Variants in STAC observed in about 807,000 individuals in gnomAD.
STAC encodes SH3 and cysteine rich domain.
Under a neutral mutation model 48.8 loss-of-function variants are expected in STAC, and 43 were observed. The observed-to-expected ratio is 0.88, with a 90% CI of 0.69 to 1.14. STAC has a LOEUF of 1.14. Ranked by LOEUF, STAC falls within the 50% of genes most tolerant of loss-of-function variation. The pLI is 0.00. For missense variants in STAC, 497 were observed against 504.0 expected (o/e 0.99, Z 0.13); for synonymous variants, 193 against 179.5 (o/e 1.07, Z -0.60).
intron 1 of STAC, among the ~76,000 whole-genome samples, chr3:36,431,835 T>C (rs1314112226): frequency 6.6e-6 from 1 of 152,204 alleles, no homozygotes; most frequent in Non-Finnish European, 1.5e-5. Context: ...CCTTTTCTAT[T>C]ACTGCTTGTC....
intron 2 of STAC, among the ~76,000 whole-genome samples, chr3:36,444,927 T>C (rs1049825937): frequency 2.0e-5 from 3 of 152,210 alleles, no homozygotes; most frequent in African/African-American, 7.2e-5. Flanking sequence ...CGTCTCATGC[T>C]CAACAATACT....
chr3:36,399,752 A>C (rs1459904431), intron 1 of STAC, among the ~76,000 whole-genome samples: 1 of 152,192 alleles, frequency 6.6e-6, no homozygotes, highest in African/African-American at 2.4e-5. Context: ...GAAAAATTTC[A>C]ATTAAATTGA....
rs7646527 is a variant in STAC at position 36,483,682 on chromosome 3, A to G, written c.489+590A>G. On this transcript the variant is annotated intron_variant, in intron 3 of 10. Transcript: ENST00000273183. Reference sequence around the variant, plus strand: ...TAAGAGGCAATTCAAGCCAGGCACAATGGCTCACGCCTATAATCCCAACAC... The same window carrying G: ...TAAGAGGCAATTCAAGCCAGGCACAGTGGCTCACGCCTATAATCCCAACAC... Among the ~76,000 whole-genome samples the G allele has an allele frequency of 7.7e-3, 1,168 of 152,282 alleles. 15 individuals are homozygous for G. The highest frequency in any genetic ancestry group is 0.026 in the African/African-American group (1,087 of 41,564).
chr3:36,470,909 C>G (rs930901397), intron 2 of STAC, among the ~76,000 whole-genome samples: 1 of 152,182 alleles, frequency 6.6e-6, no homozygotes, highest in African/African-American at 2.4e-5. Context: ...ACGTTACCTA[C>G]TTTTATGTTT....
chr3:36,496,637 A>T (rs936224119), intron 6 of STAC, among the ~76,000 whole-genome samples: 6 of 152,128 alleles, frequency 3.9e-5, no homozygotes, highest in African/African-American at 1.2e-4. Flanking sequence ...AGGTCTGAGT[A>T]TTTATGGTTG....
At chr3:36,513,774 T>C (rs1437463010) in intron 8 of STAC, among the ~76,000 whole-genome samples, 2 of 152,108 alleles carry the variant, frequency 1.3e-5, no homozygotes, top group Non-Finnish European at 2.9e-5. Context: ...ATAATATTAA[T>C]TCCAGTCAGT....
chr3:36,424,736 G>A (rs796373482), intron 1 of STAC, among the ~76,000 whole-genome samples: 25 of 152,232 alleles, frequency 1.6e-4, no homozygotes, highest in African/African-American at 5.8e-4. Context: ...TGCCAAAAAC[G>A]ATGTAGGTAC....
intron 6 of STAC, 113 bp downstream of exon 6, chr3:36,493,342 AG>A: frequency 2.1e-6 from 2 of 936,834 alleles, no homozygotes; most frequent in South Asian, 1.4e-5. Context: ...GAATTTAATC[AG>A]GGCGAGTGTT....
At chr3:36,416,995 G>C (rs1700334125) in intron 1 of STAC, among the ~76,000 whole-genome samples, 1 of 152,126 alleles carries the variant, frequency 6.6e-6, no homozygotes, top group African/African-American at 2.4e-5. Context: ...TTTCACATTA[G>C]GCACTTTTTT....
intron 1 of STAC, among the ~76,000 whole-genome samples, chr3:36,426,746 G>C (rs550004398): frequency 1.7e-4 from 26 of 152,240 alleles, no homozygotes; most frequent in African/African-American, 6.0e-4. Context: ...AATAAGGATA[G>C]GGTCACTAGT....
At chr3:36,536,677 A>C (rs1250951324) in intron 10 of STAC, among the ~76,000 whole-genome samples, 3 of 152,182 alleles carry the variant, frequency 2.0e-5, no homozygotes, top group Non-Finnish European at 4.4e-5. Flanking sequence ...AAAATTGACA[A>C]AGGGGATCTA....
At chr3:36,543,536 TC>T (rs1699376997) in intron 10 of STAC, among the ~76,000 whole-genome samples, 2 of 152,124 alleles carry the variant, frequency 1.3e-5, no homozygotes, top group Admixed American at 1.3e-4. Context: ...CAGAGACACT[TC>T]CGAACAACTC....
intron 2 of STAC, among the ~76,000 whole-genome samples, chr3:36,453,315 A>G (rs1052379950): frequency 6.6e-6 from 1 of 152,150 alleles, no homozygotes; most frequent in Non-Finnish European, 1.5e-5. Context: ...GGCCGGAGCC[A>G]GCTCCCTCAG....
chr3:36,397,584 C>T (rs7614774), intron 1 of STAC, among the ~76,000 whole-genome samples: 3,543 of 152,156 alleles, frequency 0.023, 60 homozygotes, highest in East Asian at 0.026. Flanking sequence ...ATAAAGCATA[C>T]AGTTTATGCT....
chr3:36,546,395 C>A lies in STAC; in HGVS notation c.*106C>A, dbSNP rs927696729. On this transcript the variant is annotated 3_prime_UTR_variant, in exon 11 of 11. Transcript: ENST00000273183. ...GAGCTGCCGCACTGACCCAGCCCCC[C>A]AGGAAACAGTGAGACAAGAATCAAG... 2.1e-6 allele frequency: 2 copies of A among 931,200 alleles called. No individual in the cohort carries two copies. Among genetic ancestry groups the A allele is most frequent in the Non-Finnish European group, 1.7e-6 (1 of 582,740 alleles). 57.7% of individuals were successfully genotyped at this position (931,200 alleles called of 1,614,324 possible).
At chr3:36,451,259 T>C (rs1194989123) in intron 2 of STAC, among the ~76,000 whole-genome samples, 2 of 152,210 alleles carry the variant, frequency 1.3e-5, no homozygotes, top group Non-Finnish European at 2.9e-5. Context: ...AAAACATTCT[T>C]TATTCTACAT....
chr3:36,463,512 T>C (rs1024822695), intron 2 of STAC, among the ~76,000 whole-genome samples: 15 of 115,406 alleles, frequency 1.3e-4, no homozygotes, highest in Non-Finnish European at 2.5e-4. Flanking sequence ...TAGTTTTTCT[T>C]TTTTTTTTTA....
At chr3:36,392,043 C>A (rs1234296725) in intron 1 of STAC, among the ~76,000 whole-genome samples, 1 of 152,160 alleles carries the variant, frequency 6.6e-6, no homozygotes, top group African/African-American at 2.4e-5. Context: ...CCTCCCCTCC[C>A]CTCTAACACT....
In STAC at chr3:36,443,572, C is replaced by T. The variant is rs536275769; in HGVS notation, c.320C>T (p.Ala107Val). The change falls in exon 2 of 11, where the codon GCT becomes GTT. Residue 107 changes from alanine to valine, a missense_variant. Physicochemically the swap from Ala to Val is moderately conservative, Grantham distance 64 (BLOSUM62 0). Transcript: ENST00000273183. The surrounding 1 kb of genome is among the most constrained non-coding windows in gnomAD (Gnocchi z 4.2). ...ARAGLHPGGK[A>V]HAFQEYIFKK... Reference sequence around the variant, plus strand: ...GCTGGTCTGCATCCAGGTGGCAAGGCTCATGCCTTTCAGGAATACATCTTC... The same window carrying T: ...GCTGGTCTGCATCCAGGTGGCAAGGTTCATGCCTTTCAGGAATACATCTTC... 4 of 1,614,154 alleles carry T rather than the reference C, an allele frequency of 2.5e-6. No homozygotes were observed. The highest frequency in any genetic ancestry group is 2.2e-5 in the East Asian group (1 of 44,870).
Sources: gnomAD v4.1 joint callset for allele counts (sites outside exome capture counted in the v4.1 genomes callset) on GRCh38, gnomAD v4.1.1 for gene constraint, Gnocchi (gnomAD v3.1) non-coding constraint, MANE v1.5 for transcripts, NCBI Gene and HGNC (gene_info 2026-07-23, HGNC 2026-07-21) for gene names.